Variants in TNFRSF21 observed in about 807,000 individuals in gnomAD.
TNFRSF21 encodes the protein TNF receptor superfamily member 21.
A neutral mutation model predicts 45.6 loss-of-function variants in TNFRSF21; 19 were observed. The observed-to-expected ratio is 0.42, with a 90% confidence interval of 0.29 to 0.61. The LOEUF (loss-of-function observed/expected upper bound fraction) is 0.61. Among genes scored for constraint, TNFRSF21 ranks in the 20% least tolerant of loss-of-function variants. TNFRSF21 has a pLI of 0.23. For synonymous variants in TNFRSF21, 314 were observed against 335.5 expected, an observed-to-expected ratio of 0.94 and a Z score of 0.70; for missense variants, 737 against 851.5, an observed-to-expected ratio of 0.87 and a Z score of 1.67.
At chr6:47,238,455 G>A (rs1445419216) in intron 4 of TNFRSF21, among the ~76,000 whole-genome samples, 1 of 152,228 alleles carries the variant, frequency 6.6e-6, no homozygotes, top group Non-Finnish European at 1.5e-5. Flanking sequence ...GAGAAATGAG[G>A]TGGGGACAGT....
chr6:47,273,520 T>A (rs1762456716), intron 3 of TNFRSF21, among the ~76,000 whole-genome samples: 1 of 152,098 alleles, frequency 6.6e-6, no homozygotes, highest in Admixed American at 6.6e-5. Flanking sequence ...CTCAAAATAA[T>A]AAGTGCTATT....
chr6:47,265,143 T>A (rs970176090), intron 3 of TNFRSF21, among the ~76,000 whole-genome samples: 2 of 152,230 alleles, frequency 1.3e-5, no homozygotes, highest in African/African-American at 4.8e-5. Context: ...CCATCACCTC[T>A]GACTTACTTG....
intron 1 of TNFRSF21, among the ~76,000 whole-genome samples, chr6:47,300,011 G>A (rs1218222563): frequency 6.6e-6 from 1 of 152,204 alleles, no homozygotes; most frequent in Non-Finnish European, 1.5e-5. Context: ...AGAGCAATTG[G>A]TTTATACAGA....
Position 47,234,767 on chromosome 6 carries a change from CTTG to C in TNFRSF21, c.1638_1640del (p.Asn546del). ...GCTCCGACTCATCCACGAAGAAGCC[CTTG>C]TTCTTGTCCTGTGGGGAAGGCTCCA... On this transcript the variant is annotated inframe_deletion, in exon 5 of 6. Transcript: ENST00000296861. The C allele has an allele frequency of 6.2e-7, 1 of 1,607,680 alleles. No individual in the cohort carries two copies. The highest frequency in any genetic ancestry group is 8.5e-7 in the Non-Finnish European group (1 of 1,177,744).
intron 3 of TNFRSF21, among the ~76,000 whole-genome samples, chr6:47,255,704 C>T (rs1259419531): frequency 6.6e-6 from 1 of 152,176 alleles, no homozygotes; most frequent in African/African-American, 2.4e-5. Flanking sequence ...CTCAGGTGAT[C>T]TGCCTGCCTT....
In TNFRSF21 at chr6:47,309,628, C is replaced by T. The variant is rs989752393; in HGVS notation, c.-117G>A. ...TCCCGGGCCGGGAGCCCATCTACCTCCAACACCCCATGTGCACTGCTGCGG... is the reference window on the plus strand; with the variant it reads ...TCCCGGGCCGGGAGCCCATCTACCTTCAACACCCCATGTGCACTGCTGCGG... On this transcript the variant is annotated 5_prime_UTR_variant, in exon 1 of 6. It introduces an in-frame stop codon into an upstream open reading frame of the 5' UTR. Coordinates refer to ENST00000296861, the MANE Select transcript of TNFRSF21 (RefSeq NM_014452.5). The T allele has an allele frequency of 1.5e-6, 2 of 1,339,558 alleles. No individual in the cohort carries two copies. The highest frequency in any genetic ancestry group is 1.9e-6 in the Non-Finnish European group (2 of 1,044,918). The allele number at this position is 1,339,558 out of a possible 1,614,324, so 83.0% of individuals were successfully genotyped here.
In TNFRSF21 at chr6:47,234,405, G is replaced by T. The variant is rs114511004; in HGVS notation, c.1738+265C>A. On this transcript the variant is annotated intron_variant, in intron 5 of 5. Transcript: ENST00000296861. ...CAGGCCTTCCCCGAAACACACATTT[G>T]ATAGCATCATGAGGATAAAGGGTGG... 5.5e-3 allele frequency among the ~76,000 whole-genome samples: 837 copies of T among 152,314 alleles called. 9 individuals carry two copies. Among genetic ancestry groups the T allele is most frequent in the African/African-American group, 0.019 (779 of 41,564 alleles).
intron 3 of TNFRSF21, among the ~76,000 whole-genome samples, chr6:47,273,190 G>A (rs1028398976): frequency 1.3e-5 from 2 of 152,042 alleles, no homozygotes; most frequent in African/African-American, 2.4e-5. Context: ...TTGATACCAA[G>A]GCCTGGCAGA....
At chr6:47,301,998 G>T (rs146778282) in intron 1 of TNFRSF21, among the ~76,000 whole-genome samples, 3 of 152,232 alleles carry the variant, frequency 2.0e-5, no homozygotes, top group African/African-American at 7.2e-5. Context: ...TGACCTGGCC[G>T]TGTATAGGAT....
At chr6:47,308,248 T>C (rs1209158933) in intron 1 of TNFRSF21, among the ~76,000 whole-genome samples, 1 of 152,204 alleles carries the variant, frequency 6.6e-6, no homozygotes, top group Non-Finnish European at 1.5e-5. Context: ...TCCCAGGCCA[T>C]AGCAACTGCA....
At chr6:47,243,522 A>C (rs1764777955) in intron 4 of TNFRSF21, among the ~76,000 whole-genome samples, 1 of 151,710 alleles carries the variant, frequency 6.6e-6, no homozygotes, top group African/African-American at 2.4e-5. Flanking sequence ...TATTCAATTG[A>C]TTTTCGTGCC....
chr6:47,234,455 C>T (rs1022056039), intron 5 of TNFRSF21, among the ~76,000 whole-genome samples: 3 of 152,180 alleles, frequency 2.0e-5, no homozygotes, highest in Non-Finnish European at 4.4e-5. Flanking sequence ...CCGGGCAGTG[C>T]GAGCTGCAAA....
chr6:47,271,779 GCA>G (rs1024962469), intron 3 of TNFRSF21, among the ~76,000 whole-genome samples: 1 of 151,598 alleles, frequency 6.6e-6, no homozygotes, highest in Non-Finnish European at 1.5e-5. Flanking sequence ...CATCTCACAC[GCA>G]CACACACACA....
At chr6:47,235,406 G>T (rs150029485) in intron 4 of TNFRSF21, among the ~76,000 whole-genome samples, 1 of 152,154 alleles carries the variant, frequency 6.6e-6, no homozygotes, top group African/African-American at 2.4e-5. Flanking sequence ...AAAAAGAAGC[G>T]ATGAGGACAC....
At chr6:47,282,733 G>A (rs1039673193) in intron 3 of TNFRSF21, among the ~76,000 whole-genome samples, 8 of 152,212 alleles carry the variant, frequency 5.3e-5, no homozygotes, top group Non-Finnish European at 1.5e-5. Context: ...ATTCTACAAA[G>A]TATGTAGTTT....
At chr6:47,251,440 G>C (rs1394646111) in intron 4 of TNFRSF21, among the ~76,000 whole-genome samples, 1 of 152,174 alleles carries the variant, frequency 6.6e-6, no homozygotes, top group African/African-American at 2.4e-5. Context: ...GTGTACAAGA[G>C]TTTGGCACTT....
intron 3 of TNFRSF21, among the ~76,000 whole-genome samples, chr6:47,280,145 G>A (rs1762547990): frequency 6.6e-6 from 1 of 152,304 alleles, no homozygotes; most frequent in South Asian, 2.1e-4. Flanking sequence ...GATGTATATG[G>A]CATCCAGGAG....
intron 1 of TNFRSF21, among the ~76,000 whole-genome samples, chr6:47,301,539 G>A (rs903832975): frequency 3.3e-5 from 5 of 152,218 alleles, no homozygotes; most frequent in African/African-American, 1.2e-4. Flanking sequence ...AATGTTGGAG[G>A]TGGAGTCTTA....
At chr6:47,269,958 C>T (rs545354399) in intron 3 of TNFRSF21, among the ~76,000 whole-genome samples, 5 of 152,266 alleles carry the variant, frequency 3.3e-5, no homozygotes, top group East Asian at 1.9e-4. Flanking sequence ...AGCCTCTACC[C>T]GTATATGAGC....
Sources: gnomAD v4.1 joint callset for allele counts (sites outside exome capture counted in the v4.1 genomes callset) on GRCh38, gnomAD v4.1.1 for gene constraint, MANE v1.5 for transcripts, NCBI Gene and HGNC (gene_info 2026-07-23, HGNC 2026-07-21) for gene names.